Variants in NXPE2 observed in about 807,000 individuals in gnomAD.
The protein encoded by NXPE2 is neurexophilin and PC-esterase domain family member 2.
Under a neutral mutation model 34.4 loss-of-function variants are expected in NXPE2, and 34 were observed. The ratio of observed to expected loss-of-function variants is 0.99; its 90% confidence interval spans 0.75 to 1.31. The LOEUF (loss-of-function observed/expected upper bound fraction) is 1.31, where lower values mean the gene tolerates loss of function less well. Ranked by LOEUF, NXPE2 falls within the 40% of genes most tolerant of loss-of-function variation. NXPE2 has a pLI of 0.00. For synonymous variants in NXPE2, 235 were observed against 231.3 expected, an observed-to-expected ratio of 1.02 and a Z score of -0.15; for missense variants, 649 against 672.5, an observed-to-expected ratio of 0.97 and a Z score of 0.39.
the NXPE2 span, among the ~76,000 whole-genome samples, chr11:114,715,398 A>T: frequency 6.6e-6 from 1 of 150,728 alleles, no homozygotes; most frequent in South Asian, 2.1e-4. Flanking sequence ...CTTTATATTT[A>T]AAAAGTTATT....
chr11:114,812,224 AG>A, the NXPE2 span, among the ~76,000 whole-genome samples: 3 of 152,134 alleles, frequency 2.0e-5, no homozygotes, highest in Non-Finnish European at 4.4e-5. Context: ...CTGAGGACAA[AG>A]GGGGATAGCA....
chr11:114,626,320 T>G, the NXPE2 span, among the ~76,000 whole-genome samples: 1 of 152,190 alleles, frequency 6.6e-6, no homozygotes, highest in Non-Finnish European at 1.5e-5. Context: ...AGCACACAGC[T>G]GGAGATCTGA....
At chr11:114,523,041 G>A in the NXPE2 span, 1 of 1,613,650 alleles carries the variant, frequency 6.2e-7, no homozygotes, top group South Asian at 1.1e-5. Flanking sequence ...TAACCACCAG[G>A]GACAGGAGGC....
the NXPE2 span, among the ~76,000 whole-genome samples, chr11:114,511,393 A>G: frequency 6.6e-6 from 1 of 152,194 alleles, no homozygotes; most frequent in East Asian, 1.9e-4. Context: ...CTCCGAGGCC[A>G]TAAGCATGAG....
the NXPE2 span, among the ~76,000 whole-genome samples, chr11:114,492,288 GTA>G: frequency 2.0e-5 from 3 of 151,966 alleles, no homozygotes; most frequent in Non-Finnish European, 4.4e-5. Context: ...TCGTGTATTT[GTA>G]TAGTTTCCAA....
At chr11:114,609,972 A>C in the NXPE2 span, among the ~76,000 whole-genome samples, 3 of 151,600 alleles carry the variant, frequency 2.0e-5, no homozygotes, top group East Asian at 5.9e-4. Flanking sequence ...GGTGGATAAT[A>C]GTTGTTGCCT....
At chr11:114,562,004 G>T in the NXPE2 span, among the ~76,000 whole-genome samples, 3 of 152,180 alleles carry the variant, frequency 2.0e-5, no homozygotes, top group Admixed American at 6.5e-5. Flanking sequence ...TTAACTCTAA[G>T]TATGGCTGCA....
chr11:114,573,925 C>T, the NXPE2 span, among the ~76,000 whole-genome samples: 5 of 152,050 alleles, frequency 3.3e-5, no homozygotes, highest in African/African-American at 1.2e-4. Context: ...TTTATCAGCA[C>T]ATGGAACATT....
chr11:114,804,154 A>C, the NXPE2 span, among the ~76,000 whole-genome samples: 3 of 152,176 alleles, frequency 2.0e-5, no homozygotes, highest in Non-Finnish European at 4.4e-5. Context: ...TTGTTGTTTA[A>C]AGGTACTCCC....
the NXPE2 span, among the ~76,000 whole-genome samples, chr11:114,563,406 G>A: frequency 2.6e-5 from 4 of 152,124 alleles, no homozygotes; most frequent in Non-Finnish European, 5.9e-5. Context: ...TTACATGCCT[G>A]CAGTTGCAAA....
the NXPE2 span, among the ~76,000 whole-genome samples, chr11:114,639,992 G>T: frequency 1.8e-5 from 2 of 113,600 alleles, no homozygotes; most frequent in East Asian, 2.6e-4. Context: ...ATATAATAAT[G>T]TTATATAATG....
the NXPE2 span, among the ~76,000 whole-genome samples, chr11:114,804,310 G>A: frequency 1.3e-5 from 2 of 152,168 alleles, no homozygotes; most frequent in Non-Finnish European, 2.9e-5. Flanking sequence ...CAAGGTCTAT[G>A]GTTTTGTCCC....
chr11:114,627,859 G>C, the NXPE2 span, among the ~76,000 whole-genome samples: 3 of 150,772 alleles, frequency 2.0e-5, no homozygotes, highest in Non-Finnish European at 4.4e-5. Flanking sequence ...AAAAATGCAG[G>C]GATTGCAATC....
At chr11:114,786,357 C>CCG in the NXPE2 span, among the ~76,000 whole-genome samples, 7 of 125,446 alleles carry the variant, frequency 5.6e-5, 1 homozygote, top group East Asian at 2.9e-4. Flanking sequence ...ATCTTTCTAC[C>CCG]CCCGCCCCCC....
chr11:114,558,038 C>T, the NXPE2 span, among the ~76,000 whole-genome samples: 249 of 152,214 alleles, frequency 1.6e-3, no homozygotes, highest in African/African-American at 5.5e-3. Flanking sequence ...CTCAACCCCT[C>T]ACTGCCCCAG....
chr11:114,525,767 T>G, the NXPE2 span, among the ~76,000 whole-genome samples: 1 of 152,182 alleles, frequency 6.6e-6, no homozygotes, highest in Non-Finnish European at 1.5e-5. Flanking sequence ...TTTGCACCAT[T>G]TAGTGAAGTG....
At chr11:114,677,284 A>C (rs954749774), upstream of NXPE2, among the ~76,000 whole-genome samples, 3 of 151,970 alleles carry the variant, frequency 2.0e-5, no homozygotes, top group African/African-American at 7.3e-5. Flanking sequence ...TTCTCACCAC[A>C]CAAATAAAAA....
chr11:114,687,537 T>G (rs568420763), intron 2 of NXPE2, among the ~76,000 whole-genome samples: 6 of 152,104 alleles, frequency 3.9e-5, no homozygotes, highest in African/African-American at 1.4e-4. Context: ...AGTATAAAGT[T>G]GGACAATGTG....
chr11:114,786,184 G>A, the NXPE2 span, among the ~76,000 whole-genome samples: 2 of 152,220 alleles, frequency 1.3e-5, no homozygotes, highest in Non-Finnish European at 2.9e-5. Context: ...CTGCATTGCG[G>A]TGCTGATCCC....
Sources: allele counts gnomAD v4.1 joint callset (sites outside exome capture counted in the v4.1 genomes callset), GRCh38; gene constraint gnomAD v4.1.1; transcripts MANE v1.5; gene names NCBI Gene and HGNC (gene_info 2026-07-23, HGNC 2026-07-21).